The following SGCD variants were observed in gnomAD, a reference collection of about 807,000 sequenced individuals.
SGCD encodes sarcoglycan delta.
SGCD carries 18 observed loss-of-function variants against 36.6 expected under a neutral mutation model. The ratio of observed to expected loss-of-function variants is 0.49; its 90% CI spans 0.34 to 0.73. The LOEUF (loss-of-function observed/expected upper bound fraction) is 0.73, where lower values mean the gene tolerates loss of function less well. Ranked by LOEUF, SGCD falls within the 30% of genes least tolerant of loss-of-function variation. SGCD has a pLI of 0.01. For missense variants in SGCD, 387 were observed against 346.7 expected, an observed-to-expected ratio of 1.12 and a Z score of -0.92; for synonymous variants, 133 against 130.6, an observed-to-expected ratio of 1.02 and a Z score of -0.12.
At chr5:155,799,114 T>C in the SGCD span, among the ~76,000 whole-genome samples, 1 of 152,216 alleles carries the variant, frequency 6.6e-6, no homozygotes, top group Non-Finnish European at 1.5e-5. Context: ...GTCCAAATAC[T>C]TGTTGGTATA....
At chr5:156,718,248 A>T (rs1001691564) in intron 7 of SGCD, among the ~76,000 whole-genome samples, 1 of 152,142 alleles carries the variant, frequency 6.6e-6, no homozygotes, top group African/African-American at 2.4e-5. Flanking sequence ...TGCAGTACAC[A>T]TGAGGAGTAC....
At chr5:156,112,439 A>G (rs1421379889) in intron 1 of SGCD, among the ~76,000 whole-genome samples, 3 of 152,224 alleles carry the variant, frequency 2.0e-5, no homozygotes, top group Admixed American at 6.5e-5. Flanking sequence ...CATATTAAAT[A>G]GTAAATTAGT....
At chr5:156,583,873 G>C (rs1045575295) in intron 4 of SGCD, among the ~76,000 whole-genome samples, 9 of 152,346 alleles carry the variant, frequency 5.9e-5, no homozygotes, top group African/African-American at 2.2e-4. Flanking sequence ...TTGGTAGATA[G>C]TGTTGAGGAA....
chr5:156,437,101 A>G (rs74986115), intron 3 of SGCD, among the ~76,000 whole-genome samples: 6,490 of 152,234 alleles, frequency 0.043, 265 homozygotes, highest in African/African-American at 0.1. Flanking sequence ...ACTTTTAAAG[A>G]AAGATTGAGT....
At chr5:156,464,201 G>A (rs1027769928) in intron 3 of SGCD, among the ~76,000 whole-genome samples, 17 of 149,432 alleles carry the variant, frequency 1.1e-4, no homozygotes, top group Non-Finnish European at 1.9e-4. Flanking sequence ...GAAGAATCTA[G>A]GTTTGAATCT....
intron 7 of SGCD, among the ~76,000 whole-genome samples, chr5:156,742,744 G>T (rs977093339): frequency 1.5e-4 from 23 of 152,210 alleles, no homozygotes; most frequent in African/African-American, 5.5e-4. Context: ...GAACCAAGGA[G>T]TAGATGGTAT....
chr5:156,132,661 G>A (rs1387017338), intron 3 of SGCD, among the ~76,000 whole-genome samples: 2 of 150,952 alleles, frequency 1.3e-5, no homozygotes, highest in South Asian at 4.2e-4. Context: ...GTAGAGACGG[G>A]GTTTCACCGT....
intron 3 of SGCD, among the ~76,000 whole-genome samples, chr5:156,269,492 A>C (rs1160478769): frequency 4.1e-5 from 6 of 146,452 alleles, no homozygotes; most frequent in African/African-American, 1.0e-4. Flanking sequence ...AAAAAAAAAA[A>C]AAAAAAAAAA....
intron 3 of SGCD, among the ~76,000 whole-genome samples, chr5:156,205,602 T>C (rs983273647): frequency 1.3e-5 from 2 of 152,110 alleles, no homozygotes; most frequent in Non-Finnish European, 2.9e-5. Flanking sequence ...TTCCAGCCAA[T>C]GTACAGAATG....
chr5:156,486,057 A>G (rs1175939425), intron 3 of SGCD, among the ~76,000 whole-genome samples: 1 of 152,086 alleles, frequency 6.6e-6, no homozygotes, highest in Non-Finnish European at 1.5e-5. Context: ...ATCTCTCCAA[A>G]GACCCAAGCA....
At chr5:155,847,933 G>A in the SGCD span, among the ~76,000 whole-genome samples, 1 of 152,204 alleles carries the variant, frequency 6.6e-6, no homozygotes, top group Non-Finnish European at 1.5e-5. Flanking sequence ...GCTTGTTACT[G>A]AGGAGGAGAT....
chr5:156,670,198 G>A (rs962031774), intron 7 of SGCD, among the ~76,000 whole-genome samples: 2 of 152,148 alleles, frequency 1.3e-5, no homozygotes, highest in African/African-American at 2.4e-5. Context: ...GTATAAAATT[G>A]TGCTTTTATC....
At chr5:156,668,493 T>G (rs562632223) in intron 7 of SGCD, among the ~76,000 whole-genome samples, 1 of 152,314 alleles carries the variant, frequency 6.6e-6, no homozygotes, top group South Asian at 2.1e-4. Flanking sequence ...CAGTGATGCT[T>G]CAATATTTGA....
At chr5:156,199,292 G>T (rs747332578) in intron 3 of SGCD, among the ~76,000 whole-genome samples, 3 of 152,120 alleles carry the variant, frequency 2.0e-5, no homozygotes, top group Non-Finnish European at 4.4e-5. Flanking sequence ...GCCCAAAGAG[G>T]TCATTGACTT....
intron 3 of SGCD, among the ~76,000 whole-genome samples, chr5:156,488,325 C>T (rs1755795584): frequency 6.6e-6 from 1 of 151,634 alleles, no homozygotes; most frequent in South Asian, 2.1e-4. Flanking sequence ...TCAAAACCCC[C>T]CAAATGGATT....
chr5:156,329,718 TATTTTAAAAA>T, intron 2 of SGCD, 139 bp downstream of exon 2: 1 of 850,862 alleles, frequency 1.2e-6, no homozygotes, highest in Non-Finnish European at 1.8e-6. Context: ...TTTACTTTTT[TATTTTAAAAA>T]ATCTGCAGGC....
At chr5:156,328,835 G>A (rs1007871731) in intron 1 of SGCD, among the ~76,000 whole-genome samples, 2 of 152,104 alleles carry the variant, frequency 1.3e-5, no homozygotes, top group Admixed American at 6.5e-5. Flanking sequence ...AGGATGGACT[G>A]TGACCTTATT....
At chr5:156,489,310 G>A (rs888752527) in intron 3 of SGCD, among the ~76,000 whole-genome samples, 6 of 152,000 alleles carry the variant, frequency 3.9e-5, no homozygotes, top group South Asian at 2.1e-4. Flanking sequence ...TGCTCTCAGC[G>A]TTGGAAAGAT....
At chr5:155,923,274 A>T (rs1756926830) in intron 1 of SGCD, among the ~76,000 whole-genome samples, 3 of 152,208 alleles carry the variant, frequency 2.0e-5, no homozygotes, top group South Asian at 4.1e-4. Context: ...AAAGACATAT[A>T]TTGGGGGTAT....
Sources: allele counts gnomAD v4.1 joint callset (sites outside exome capture counted in the v4.1 genomes callset), GRCh38; gene constraint gnomAD v4.1.1; transcripts MANE v1.5; gene names NCBI Gene and HGNC (gene_info 2026-07-23, HGNC 2026-07-21).